The following ATXN7 variants were observed in gnomAD, a reference collection of about 807,000 sequenced individuals.
ATXN7 encodes ataxin-7.
Under a neutral mutation model 70.5 loss-of-function variants are expected in ATXN7, and 12 were observed. The observed-to-expected ratio is 0.17, with a 90% CI of 0.11 to 0.28. The LOEUF (loss-of-function observed/expected upper bound fraction) is 0.28, where lower values mean the gene tolerates loss of function less well. ATXN7 is among the 10% of genes least tolerant of loss of function. The pLI is 1.00. For missense variants in ATXN7, 1,256 were observed against 1,131.7 expected (o/e 1.11, Z -1.58); for synonymous variants, 498 against 448.7 (o/e 1.11, Z -1.39).
At chr3:63,978,305 C>T (rs1465115338) in intron 5 of ATXN7, among the ~76,000 whole-genome samples, 1 of 152,162 alleles carries the variant, frequency 6.6e-6, no homozygotes, top group Non-Finnish European at 1.5e-5. Flanking sequence ...CTCCTTTTCA[C>T]AAGAAAAGCT....
Position 63,975,665 on chromosome 3 carries a change from T to C in ATXN7, c.500-4250T>C, listed in dbSNP as rs568924495. Among the ~76,000 whole-genome samples the C allele has an allele frequency of 1.7e-4, 26 of 152,352 alleles. No individual in the cohort carries two copies. In the South Asian group the frequency reaches 3.9e-3, roughly 23 times the overall value. ...GTGTGTACCTGGATGTTAATACTTA[T>C]AACTTTAAAAAAATCTCAGCGTGAA... On this transcript the variant is annotated intron_variant, in intron 5 of 12. Transcript: ENST00000674280.
At position 63,982,314 on chromosome 3, in the gene ATXN7, C is replaced by T. The variant is rs747693183; in HGVS notation, c.881C>T (p.Ser294Leu). 3 of 1,614,188 alleles carry T rather than the reference C, an allele frequency of 1.9e-6. No homozygotes were observed. In the Admixed American group the frequency reaches 5.0e-5, roughly 27 times the overall value. ...SLVKPGLNCP[S>L]IPKPTLPSPG... ...GTCAAGCCTGGCCTTAACTGCCCCTCAATACCAAAGCCAACCTTGCCTTCA... is the reference window on the plus strand; with the variant it reads ...GTCAAGCCTGGCCTTAACTGCCCCTTAATACCAAAGCCAACCTTGCCTTCA... The change falls in exon 7 of 13, where the codon TCA becomes TTA. Residue 294 changes from serine to leucine, a missense_variant. Physicochemically the swap from Ser to Leu is moderately radical, Grantham distance 145. Transcript: ENST00000674280.
At position 63,863,991 on chromosome 3, in the gene ATXN7, C is replaced by G. The variant is rs1439904355; in HGVS notation, c.-278C>G. 2 of 149,560 alleles carry G rather than the reference C, an allele frequency of 1.3e-5. No individual in the cohort carries two copies. Among genetic ancestry groups the G allele is most frequent in the African/African-American group, 4.9e-5 (2 of 40,504 alleles). 9.3% of individuals were successfully genotyped at this position (149,560 alleles called of 1,614,324 possible). A position where few individuals can be genotyped will look rare whatever the true frequency, so the allele number is the denominator to read the frequency against. ...CCGCCGCCGCCGCGGGACCCGCGCT[C>G]CCCGCGCTCCCGGTACTCCCCGGGG... On this transcript the variant is annotated 5_prime_UTR_variant, in exon 1 of 13. Coordinates refer to ENST00000674280, the MANE Select transcript of ATXN7 (RefSeq NM_001377405.1).
chr3:63,890,664 G>A (rs868469785), intron 1 of ATXN7, among the ~76,000 whole-genome samples: 5 of 152,206 alleles, frequency 3.3e-5, no homozygotes, highest in African/African-American at 1.2e-4. Context: ...TCAATAAATT[G>A]TAGCGGTTGC....
chr3:63,998,501 A>C (rs1303848605), intron 12 of ATXN7: 1 of 985,154 alleles, frequency 1.0e-6, no homozygotes. Context: ...TAGTGGCACT[A>C]TGTCTTACTA....
At chr3:63,987,712 C>A (rs2075600731) in intron 8 of ATXN7, among the ~76,000 whole-genome samples, 1 of 151,912 alleles carries the variant, frequency 6.6e-6, no homozygotes, top group Non-Finnish European at 1.5e-5. Flanking sequence ...CAATAAGAGC[C>A]CCCAAAACCA....
At chr3:63,972,959 G>C (rs996614930) in intron 5 of ATXN7, among the ~76,000 whole-genome samples, 1 of 152,162 alleles carries the variant, frequency 6.6e-6, no homozygotes, top group Admixed American at 6.5e-5. Flanking sequence ...GCTAACAGGG[G>C]GCCTCTGTCT....
At chr3:63,913,507 T>C (rs1299186385) in intron 4 of ATXN7, among the ~76,000 whole-genome samples, 1 of 152,210 alleles carries the variant, frequency 6.6e-6, no homozygotes. Context: ...ATCTCTGCAT[T>C]TCTGACCTCC....
chr3:63,942,847 A>G lies in ATXN7; in HGVS notation c.395-9532A>G, dbSNP rs116216659. 8.3e-3 allele frequency among the ~76,000 whole-genome samples: 1,259 copies of G among 152,310 alleles called. 19 individuals are homozygous for G. The highest frequency in any genetic ancestry group is 0.028 in the African/African-American group (1,173 of 41,558). Reference sequence around the variant, plus strand: ...CCTTAAGGTTGCTGCTATAATCTCTATTTTACAAGTGAGTATACTGAGCAG... The same window carrying G: ...CCTTAAGGTTGCTGCTATAATCTCTGTTTTACAAGTGAGTATACTGAGCAG... On this transcript the variant is annotated intron_variant, in intron 4 of 12. Transcript: ENST00000674280.
chr3:63,968,052 G>T, intron 5 of ATXN7: 1 of 1,202,444 alleles, frequency 8.3e-7, no homozygotes, highest in Non-Finnish European at 1.2e-6. Context: ...GGACGGTGGG[G>T]TAGGTCTTTG....
At chr3:63,982,652 G>GTGTA (rs2075509303) in intron 7 of ATXN7, among the ~76,000 whole-genome samples, 1 of 151,294 alleles carries the variant, frequency 6.6e-6, no homozygotes, top group South Asian at 2.1e-4. Flanking sequence ...GTGTGTGTGT[G>GTGTA]TGTGTGTCAT....
At chr3:63,916,952 C>T (rs565505741) in intron 4 of ATXN7, among the ~76,000 whole-genome samples, 3 of 152,140 alleles carry the variant, frequency 2.0e-5, no homozygotes, top group South Asian at 4.2e-4. Flanking sequence ...CTCGCTGTGT[C>T]GCCCAGGCTG....
intron 4 of ATXN7, among the ~76,000 whole-genome samples, chr3:63,916,922 T>C (rs561421619): frequency 6.6e-6 from 1 of 152,164 alleles, no homozygotes; most frequent in Non-Finnish European, 1.5e-5. Context: ...TTGTTGTTGT[T>C]ATTGTTGTTG....
rs183496477 is a variant in ATXN7, at chr3:63,982,458, T to A, written c.1012+13T>A. The A allele has an allele frequency of 1.1e-3, 1,673 of 1,578,500 alleles. 3 individuals are homozygous for A. The highest frequency in any genetic ancestry group is 1.4e-3 in the Non-Finnish European group (1,595 of 1,154,414). ...AAGAGATTATCAGGTAACTTCAAAT[T>A]TTCTTTCTTCATAATGCTTCTCTAT... On this transcript the variant is annotated intron_variant, in intron 7 of 12. Transcript: ENST00000674280.
intron 4 of ATXN7, among the ~76,000 whole-genome samples, chr3:63,944,707 G>T (rs903531133): frequency 1.3e-5 from 2 of 152,136 alleles, no homozygotes; most frequent in Non-Finnish European, 2.9e-5. Flanking sequence ...AAGAGCCGGG[G>T]ACCTTGAGAC....
At chr3:63,920,213 A>G (rs559613794) in intron 4 of ATXN7, among the ~76,000 whole-genome samples, 1 of 152,270 alleles carries the variant, frequency 6.6e-6, no homozygotes, top group Non-Finnish European at 1.5e-5. Flanking sequence ...ACATGTTTCC[A>G]TGTGCACAGT....
At chr3:63,990,932 C>T in intron 11 of ATXN7, 73 bp downstream of exon 11, 2 of 1,602,052 alleles carry the variant, frequency 1.2e-6, no homozygotes, top group South Asian at 2.2e-5. Context: ...TCCTGTGAGA[C>T]TGATGTTATG....
intron 2 of ATXN7, among the ~76,000 whole-genome samples, chr3:63,909,090 A>T (rs982986186): frequency 5.3e-5 from 8 of 152,214 alleles, no homozygotes; most frequent in African/African-American, 1.9e-4. Flanking sequence ...GTAGCAGGCA[A>T]TCAGGAATTG....
At chr3:63,966,217 A>C (rs1355032807) in intron 5 of ATXN7, among the ~76,000 whole-genome samples, 1 of 152,172 alleles carries the variant, frequency 6.6e-6, no homozygotes, top group Non-Finnish European at 1.5e-5. Context: ...GTGATAGGGA[A>C]GTGAGATTTA....
Sources: gnomAD v4.1 joint callset for allele counts (sites outside exome capture counted in the v4.1 genomes callset) on GRCh38, gnomAD v4.1.1 for gene constraint, MANE v1.5 for transcripts, NCBI Gene and HGNC (gene_info 2026-07-23, HGNC 2026-07-21) for gene names.